RP1: variants seen among roughly 807,000 people sequenced by gnomAD.
RP1 encodes RP1 axonemal microtubule associated, also known as oxygen-regulated protein 1.
RP1 carries 16 observed loss-of-function variants against 14.8 expected under a neutral mutation model. That is an observed-to-expected ratio of 1.08 (90% CI 0.73 to 1.65). RP1 has a LOEUF of 1.65. Ranked by LOEUF, RP1 falls within the 40% of genes most tolerant of loss-of-function variation. RP1 has a pLI of 0.00. For synonymous variants in RP1, 876 were observed against 883.6 expected, an observed-to-expected ratio of 0.99 and a Z score of 0.15; for missense variants, 2,631 against 2,535.0, an observed-to-expected ratio of 1.04 and a Z score of -0.81.
chr8:54,598,695 C>A (rs905172543), intron 1 of RP1, among the ~76,000 whole-genome samples: 3 of 152,120 alleles, frequency 2.0e-5, no homozygotes, highest in Admixed American at 6.5e-5. Flanking sequence ...TCTGAGCATG[C>A]CTTTGTTACC....
chr8:54,734,653 T>C (rs1164022928), exon 18 of RP1: 2 of 1,535,566 alleles, frequency 1.3e-6, no homozygotes, highest in East Asian at 4.9e-5. Context: ...ACTCTCTGGG[T>C]GTATGGAGAT....
At chr8:54,679,529 C>T in intron 10 of RP1, 1 of 1,535,616 alleles carries the variant, frequency 6.5e-7, no homozygotes, top group South Asian at 1.2e-5. Context: ...TCCTGGAAAA[C>T]TCTTTTATGA....
At chr8:54,659,360 T>A (rs1384145720) in intron 6 of RP1, among the ~76,000 whole-genome samples, 1 of 152,238 alleles carries the variant, frequency 6.6e-6, no homozygotes, top group African/African-American at 2.4e-5. Context: ...TATTTAGATT[T>A]TTATGGTTAG....
intron 1 of RP1, among the ~76,000 whole-genome samples, chr8:54,566,701 A>G (rs1445768374): frequency 6.6e-6 from 1 of 152,130 alleles, no homozygotes; most frequent in African/African-American, 2.4e-5. Context: ...AGAGCTATAG[A>G]TGGTGGCTCC....
intron 24 of RP1, among the ~76,000 whole-genome samples, chr8:54,810,915 A>G (rs1810975554): frequency 6.6e-6 from 1 of 152,208 alleles, no homozygotes; most frequent in Non-Finnish European, 1.5e-5. Context: ...AAGAGGTTCA[A>G]ATCTGCGCAA....
At chr8:54,707,039 G>GTC (rs1464540501) in intron 15 of RP1, among the ~76,000 whole-genome samples, 9 of 152,226 alleles carry the variant, frequency 5.9e-5, no homozygotes, top group African/African-American at 1.9e-4. Context: ...GCTCAACAGT[G>GTC]TCTCCTTACT....
intron 25 of RP1, among the ~76,000 whole-genome samples, chr8:54,846,023 A>G (rs982468156): frequency 1.3e-5 from 2 of 152,218 alleles, no homozygotes; most frequent in Non-Finnish European, 2.9e-5. Context: ...CATTCCAGCC[A>G]GCTTTGCGAA....
intron 1 of RP1, among the ~76,000 whole-genome samples, chr8:54,565,962 C>A (rs1314842630): frequency 6.6e-6 from 1 of 152,134 alleles, no homozygotes; most frequent in African/African-American, 2.4e-5. Context: ...CTTTGACATT[C>A]CTTGCTTGGG....
chr8:54,782,094 G>A lies in RP1; in HGVS notation c.3452-1453G>A, dbSNP rs78128153. Among the ~76,000 whole-genome samples, 682 of 152,294 alleles carry A rather than the reference G, an allele frequency of 4.5e-3. 5 individuals are homozygous for A. The highest frequency in any genetic ancestry group is 0.015 in the African/African-American group (643 of 41,558). On this transcript the variant is annotated intron_variant, in intron 23 of 28. Coordinates refer to the RP1 transcript ENST00000637698. The stretch of plus-strand genomic sequence containing the variant: ...TCAACTTCTTGAATTATGCATCAAA[G>A]CACAGGTGTGAGGTTTTCTGTAAGA...
At chr8:54,854,502 T>A (rs185736329) in intron 26 of RP1, among the ~76,000 whole-genome samples, 41 of 152,308 alleles carry the variant, frequency 2.7e-4, no homozygotes, top group Admixed American at 2.7e-3. Flanking sequence ...GGTAAAACAA[T>A]TAAATATCTA....
intron 3 of RP1, among the ~76,000 whole-genome samples, chr8:54,624,457 A>G (rs1317439297): frequency 2.0e-5 from 3 of 150,840 alleles, no homozygotes; most frequent in Non-Finnish European, 3.0e-5. Context: ...AAAAAAAAAA[A>G]AAAAAAAAAA....
intron 24 of RP1, among the ~76,000 whole-genome samples, chr8:54,811,339 G>A (rs1498189): frequency 0.6 from 91,132 of 151,952 alleles, 28,620 homozygotes; most frequent in Non-Finnish European, 0.7. Flanking sequence ...CCCACCTTTA[G>A]CAAATTATCA....
chr8:54,808,078 T>C (rs536435405), intron 24 of RP1, among the ~76,000 whole-genome samples: 1 of 152,164 alleles, frequency 6.6e-6, no homozygotes, highest in Non-Finnish European at 1.5e-5. Flanking sequence ...ATAACCATCA[T>C]AGCGTGTAAC....
chr8:54,869,568 T>G lies in RP1; in HGVS notation c.4152-275T>G, dbSNP rs553513060. Among the ~76,000 whole-genome samples the G allele has an allele frequency of 2.0e-5, 3 of 152,302 alleles. No individual in the cohort carries two copies. The South Asian group carries it at 6.2e-4, about 32-fold the overall frequency. ...CTCCAAGTGAGAAATTTTGACTATG[T>G]TAGAATATTTGTAATGTTACCAGAG... On this transcript the variant is annotated intron_variant, in intron 28 of 28. Transcript: ENST00000637698.
chr8:54,674,529 A>T (rs1368066907), intron 8 of RP1, among the ~76,000 whole-genome samples: 1 of 150,484 alleles, frequency 6.6e-6, no homozygotes, highest in Non-Finnish European at 1.5e-5. Context: ...AAAAAAAGGA[A>T]AAAAAAACCC....
chr8:54,795,359 A>T (rs1292742563), intron 24 of RP1, among the ~76,000 whole-genome samples: 1 of 152,176 alleles, frequency 6.6e-6, no homozygotes, highest in Admixed American at 6.5e-5. Flanking sequence ...ATAGATAAAC[A>T]TAAATAAAGC....
At chr8:54,749,605 A>G (rs1159276807) in intron 19 of RP1, among the ~76,000 whole-genome samples, 1 of 152,138 alleles carries the variant, frequency 6.6e-6, no homozygotes, top group East Asian at 1.9e-4. Flanking sequence ...ATGAAAGAAA[A>G]GATAAAGCCT....
chr8:54,779,699 G>T (rs951855805), intron 23 of RP1, among the ~76,000 whole-genome samples: 3 of 152,138 alleles, frequency 2.0e-5, no homozygotes, highest in African/African-American at 7.2e-5. Context: ...CAATTGATAA[G>T]AAAACATTGG....
In RP1 at chr8:54,629,520, C is replaced by A. The variant is rs200764671; in HGVS notation, c.5638C>A (p.Pro1880Thr). The A allele has an allele frequency of 1.4e-5, 23 of 1,613,874 alleles. No homozygotes were observed. The highest frequency in any genetic ancestry group is 8.0e-5 in the African/African-American group (6 of 74,890). ...TATTTCTGCTGGTAACAAAGTCTAC[C>A]CTGTCTCTGATGATGCTATTAAAAA... ...SFISAGNKVY[P>T]VSDDAIKNQP... Residue 1880 changes from proline to threonine, a missense_variant, in exon 4 of 4, where the codon CCT (proline) becomes ACT (threonine). By Grantham distance (38) the Pro-to-Thr change is conservative. Transcript: ENST00000220676.
Sources: gnomAD v4.1 joint callset for allele counts (sites outside exome capture counted in the v4.1 genomes callset) on GRCh38, gnomAD v4.1.1 for gene constraint, MANE v1.5 for transcripts, NCBI Gene and HGNC (gene_info 2026-07-23, HGNC 2026-07-21) for gene names.